The following RBFOX3 variants were observed in gnomAD, a reference collection of about 807,000 sequenced individuals.
The protein encoded by RBFOX3 is RNA binding protein fox-1 homolog 3.
A neutral mutation model predicts 48.7 loss-of-function variants in RBFOX3; 17 were observed. The observed-to-expected ratio is 0.35, with a 90% CI of 0.24 to 0.52. The LOEUF is 0.52. Among genes scored for constraint, RBFOX3 ranks in the 20% least tolerant of loss-of-function variants. The pLI is 0.94. For missense variants in RBFOX3, 382 were observed against 497.5 expected, an observed-to-expected ratio of 0.77 and a Z score of 2.21; for synonymous variants, 212 against 209.5, an observed-to-expected ratio of 1.01 and a Z score of -0.10.
chr17:79,380,512 C>T (rs1241380930), intron 2 of RBFOX3, among the ~76,000 whole-genome samples: 1 of 152,182 alleles, frequency 6.6e-6, no homozygotes, highest in East Asian at 1.9e-4. Flanking sequence ...CTGGGGTCTG[C>T]CCAGAGCCTC....
At chr17:79,624,702 G>T in the RBFOX3 span, among the ~76,000 whole-genome samples, 2 of 152,034 alleles carry the variant, frequency 1.3e-5, no homozygotes. Flanking sequence ...ACTTCTGGAA[G>T]TAAGGGCCCT....
the RBFOX3 span, among the ~76,000 whole-genome samples, chr17:79,656,612 G>GGAAAGAAAGGAAGAGAA: frequency 9.6e-4 from 110 of 114,536 alleles, 2 homozygotes; most frequent in Middle Eastern, 9.0e-3. Flanking sequence ...AGCCAAGAAA[G>GGAAAGAAAGGAAGAGAA]GAAAGAAAGG....
At chr17:79,449,384 A>G (rs1377990311) in intron 2 of RBFOX3, among the ~76,000 whole-genome samples, 1 of 151,482 alleles carries the variant, frequency 6.6e-6, no homozygotes, top group African/African-American at 2.4e-5. Context: ...TCTCCCTTAC[A>G]GTTCCCGGGT....
Position 79,362,471 on chromosome 17 carries a change from G to C in RBFOX3, c.-174-54647C>G, listed in dbSNP as rs541468044. ...GTGGGGGTGGCGGTGGGCGTGGAAG[G>C]CCACCTGCGCTGGGCCTGGATGGCA... On this transcript the variant is annotated intron_variant, in intron 2 of 14. Transcript: ENST00000693108. The surrounding 1 kb of genome is among the most constrained non-coding windows in gnomAD (Gnocchi z 4.2). Among the ~76,000 whole-genome samples, 4 of 152,218 alleles carry C rather than the reference G, an allele frequency of 2.6e-5. No individual in the cohort carries two copies. In the East Asian group the frequency reaches 7.7e-4, roughly 29 times the overall value.
intron 2 of RBFOX3, among the ~76,000 whole-genome samples, chr17:79,452,749 T>C (rs1347670851): frequency 1.3e-5 from 2 of 151,968 alleles, no homozygotes; most frequent in African/African-American, 4.8e-5. Context: ...GAAGTTGGCA[T>C]CTCCCTGCCA....
intron 1 of RBFOX3, among the ~76,000 whole-genome samples, chr17:79,586,349 C>T (rs2093249421): frequency 6.6e-6 from 1 of 152,214 alleles, no homozygotes; most frequent in Non-Finnish European, 1.5e-5. Flanking sequence ...CGGCCTCCGC[C>T]CCACCTGCCA....
At chr17:79,506,853 A>G (rs548652533) in intron 1 of RBFOX3, among the ~76,000 whole-genome samples, 1 of 152,320 alleles carries the variant, frequency 6.6e-6, no homozygotes, top group East Asian at 1.9e-4. Context: ...GGGAAGCTGG[A>G]ACCCTTCTCC....
intron 4 of RBFOX3, among the ~76,000 whole-genome samples, chr17:79,218,604 C>T (rs886457317): frequency 2.0e-5 from 3 of 152,148 alleles, no homozygotes; most frequent in Admixed American, 6.5e-5. Flanking sequence ...ACGGAAGCCC[C>T]CTCCCACCTC....
Position 79,471,202 on chromosome 17 carries a change from C to A in RBFOX3, c.-175+11252G>T, listed in dbSNP as rs1242680201. ...CCTCCTGCTGGAAGAGGCCAGGACA[C>A]ACGAAGGGTCTCTCATGGGAAGCAG... On this transcript the variant is annotated intron_variant, in intron 2 of 14. Transcript: ENST00000693108. This position sits in a 1 kb window ranked among gnomAD's most constrained non-coding sequence, Gnocchi z 4.0. Among the ~76,000 whole-genome samples, 1 of 152,154 alleles carries A rather than the reference C, an allele frequency of 6.6e-6. No individual in the cohort carries two copies. Among genetic ancestry groups the A allele is most frequent in the African/African-American group, 2.4e-5 (1 of 41,446 alleles).
chr17:79,327,885 A>G (rs1383654587), intron 2 of RBFOX3, among the ~76,000 whole-genome samples: 4 of 152,156 alleles, frequency 2.6e-5, no homozygotes, highest in Non-Finnish European at 5.9e-5. Flanking sequence ...TAGTAGAGAC[A>G]GGGTTTCACC....
chr17:79,328,234 G>T (rs72849072), intron 2 of RBFOX3, among the ~76,000 whole-genome samples: 18,436 of 152,210 alleles, frequency 0.12, 1,430 homozygotes, highest in East Asian at 0.2. Context: ...GGATTGGGGA[G>T]CAGGGGCAAG....
chr17:79,466,400 C>T (rs1555753790), intron 2 of RBFOX3, among the ~76,000 whole-genome samples: 1 of 152,152 alleles, frequency 6.6e-6, no homozygotes, highest in African/African-American at 2.4e-5. Context: ...AAGGGCAGCA[C>T]CTGCGAGTGT....
chr17:79,243,722 G>C lies in RBFOX3; in HGVS notation c.-73-7917C>G, dbSNP rs1034642614. ...CCCAAGCTGTGCCACAGACACCATA[G>C]TGTATCCTCCACCTGTCCCTGGGTC... is the stretch of plus-strand genomic sequence containing the variant. On this transcript the variant is annotated intron_variant, in intron 3 of 14. Coordinates refer to ENST00000693108, the MANE Select transcript of RBFOX3 (RefSeq NM_001350451.2). The surrounding 1 kb of genome is among the most constrained non-coding windows in gnomAD (Gnocchi z 7.9). Among the ~76,000 whole-genome samples the C allele has an allele frequency of 1.3e-5, 2 of 152,128 alleles. No individual in the cohort carries two copies. Among genetic ancestry groups the C allele is most frequent in the African/African-American group, 4.8e-5 (2 of 41,416 alleles).
chr17:79,369,262 G>A (rs2058198222), intron 2 of RBFOX3, among the ~76,000 whole-genome samples: 1 of 152,050 alleles, frequency 6.6e-6, no homozygotes, highest in Admixed American at 6.5e-5. Flanking sequence ...ACCTCCCCAG[G>A]CACGGCGCCA....
chr17:79,650,450 G>C, the RBFOX3 span, among the ~76,000 whole-genome samples: 2 of 151,970 alleles, frequency 1.3e-5, no homozygotes, highest in African/African-American at 4.8e-5. Context: ...CCAAGGCACT[G>C]GGGGTTCTCA....
rs1322104581 is a variant in RBFOX3 at position 79,179,426 on chromosome 17, A to G, written c.-34+56340T>C. Among the ~76,000 whole-genome samples the G allele has an allele frequency of 2.0e-5, 3 of 152,052 alleles. 1 individual carries two copies. Among genetic ancestry groups the G allele is most frequent in the East Asian group, 3.9e-4 (2 of 5,166 alleles). ...ACCTCAGCAAGGGAGACTATCTGTG[A>G]TTTCACCTTGATTGAGCACACACGG... On this transcript the variant is annotated intron_variant, in intron 4 of 14. Coordinates refer to ENST00000693108, the MANE Select transcript of RBFOX3 (RefSeq NM_001350451.2).
chr17:79,289,352 G>T (rs1274892637), intron 3 of RBFOX3, among the ~76,000 whole-genome samples: 1 of 152,234 alleles, frequency 6.6e-6, no homozygotes, highest in East Asian at 1.9e-4. Flanking sequence ...GGCCCTTAGT[G>T]TCGACACCCA....
At chr17:79,612,699 CT>C (rs1231222882), upstream of RBFOX3, among the ~76,000 whole-genome samples, 5 of 152,250 alleles carry the variant, frequency 3.3e-5, no homozygotes, top group Admixed American at 1.3e-4. Flanking sequence ...GTTGACTGAA[CT>C]TTCCCCTGCC....
intron 3 of RBFOX3, among the ~76,000 whole-genome samples, chr17:79,259,205 C>T (rs1322500894): frequency 2.0e-5 from 3 of 152,252 alleles, no homozygotes; most frequent in South Asian, 4.1e-4. Flanking sequence ...TGACCCAATA[C>T]GCAGCTGGTG....
Sources: gnomAD v4.1 joint callset for allele counts (sites outside exome capture counted in the v4.1 genomes callset) on GRCh38, gnomAD v4.1.1 for gene constraint, Gnocchi (gnomAD v3.1) non-coding constraint, MANE v1.5 for transcripts, NCBI Gene and HGNC (gene_info 2026-07-23, HGNC 2026-07-21) for gene names.